The following SMG5 variants were observed in gnomAD, a reference collection of about 807,000 sequenced individuals.
SMG5 encodes the protein SMG5 nonsense mediated mRNA decay factor.
SMG5 carries 53 observed loss-of-function variants against 122.9 expected under a neutral mutation model. That is an observed-to-expected ratio of 0.43 (90% CI 0.35 to 0.54). The LOEUF is 0.54. Among genes scored for constraint, SMG5 ranks in the 20% least tolerant of loss-of-function variants. SMG5 has a pLI of 0.01. For missense variants in SMG5, 1,153 were observed against 1,285.6 expected, an observed-to-expected ratio of 0.90 and a Z score of 1.58; for synonymous variants, 477 against 490.2, an observed-to-expected ratio of 0.97 and a Z score of 0.35.
chr1:156,279,097 G>T, intron 1 of SMG5, 63 bp from the exon 2 acceptor site: 2 of 1,371,570 alleles, frequency 1.5e-6, no homozygotes, highest in South Asian at 1.2e-5. Context: ...GGATGACGCT[G>T]GGACACGATT....
intron 3 of SMG5, 128 bp from the exon 4 acceptor site, chr1:156,277,369 G>T: frequency 1.9e-6 from 2 of 1,058,884 alleles, no homozygotes; most frequent in Non-Finnish European, 2.7e-6. Context: ...ACAAGTTACT[G>T]TCATACTCTT....
Position 156,265,808 on chromosome 1 carries a change from C to T in SMG5, c.1828G>A (p.Gly610Arg), listed in dbSNP as rs1403399458. The T allele has an allele frequency of 9.3e-6, 15 of 1,614,032 alleles. No homozygotes were observed. The highest frequency in any genetic ancestry group is 1.3e-5 in the Non-Finnish European group (15 of 1,179,942). ...TSASHRPCVNGDVDKPSEPAS... is the reference protein window; with the variant it reads ...TSASHRPCVNRDVDKPSEPAS... The stretch of plus-strand genomic sequence containing the variant: ...GGCTCTGAAGGCTTGTCTACATCCC[C>T]ATTGACGCAAGGCCTGTGGCTGGCC... The change falls in exon 12 of 22, where the codon GGG becomes AGG. Residue 610 changes from glycine (G) to arginine (R), a missense_variant. Gly to Arg is a moderately radical substitution (Grantham distance 125). Transcript: ENST00000361813.
chr1:156,253,694 ACTT>A, intron 16 of SMG5, 186 bp from the exon 17 acceptor site: 2 of 628,298 alleles, frequency 3.2e-6, no homozygotes, highest in South Asian at 3.6e-5. Context: ...ACTCTGAACA[ACTT>A]CCATTACCAA....
At chr1:156,255,775 T>C (rs957565780) in intron 16 of SMG5, among the ~76,000 whole-genome samples, 3 of 152,002 alleles carry the variant, frequency 2.0e-5, no homozygotes, top group Non-Finnish European at 4.4e-5. Flanking sequence ...TGGTGATGCA[T>C]GCCTGTAGTC....
chr1:156,286,368 A>T (rs1197894501), upstream of SMG5: 2 of 1,614,084 alleles, frequency 1.2e-6, no homozygotes, highest in Non-Finnish European at 1.7e-6. Flanking sequence ...CAGTCGGTCC[A>T]GCTCTTTATT....
chr1:156,266,939 C>T (rs1380258346), intron 10 of SMG5, among the ~76,000 whole-genome samples: 1 of 152,074 alleles, frequency 6.6e-6, no homozygotes, highest in East Asian at 1.9e-4. Context: ...CTGTACGTGT[C>T]CTATTATCCC....
Position 156,250,927 on chromosome 1 carries a change from C to T in SMG5, c.2898G>A (p.Pro966=), listed in dbSNP as rs372346310. The T allele has an allele frequency of 1.4e-5, 23 of 1,613,850 alleles. No homozygotes were observed. The highest frequency in any genetic ancestry group is 1.1e-4 in the African/African-American group (8 of 74,898). ...TLAQGAGEED[P]SGMVTIITGL... ...CTGTGATGATGGTCACCATGCCACT[C>T]GGATCCTCCTCACCTGCCCCCTGGG... The change falls in exon 21 of 22, where the codon CCG becomes CCA. Residue 966 remains proline, a synonymous_variant. Transcript: ENST00000361813.
chr1:156,251,185 A>C (rs552423750), intron 20 of SMG5, 189 bp from the exon 21 acceptor site: 1 of 915,720 alleles, frequency 1.1e-6, no homozygotes, highest in African/African-American at 1.6e-5. Context: ...ACCAAGCCTG[A>C]GCATCGCAAG....
Position 156,277,948 on chromosome 1 carries a change from G to C in SMG5, c.274C>G (p.Gln92Glu). The stretch of plus-strand genomic sequence containing the variant: ...ACCTTTTTGTTAGTCTTGATAAGCT[G>C]GATAACTTCATAGTATACCTTTCTC... ...LWRKVYYEVI[Q>E]LIKTNKKHIH... Residue 92 changes from glutamine (Q) to glutamate (E), a missense_variant, in exon 3 of 22, where the codon CAG becomes GAG. This residue lies in a region of SMG5 where 213 missense variants were observed against 197.5 expected (regional missense o/e 1.08). Transcript: ENST00000361813. 6.2e-7 allele frequency: 1 copy of C among 1,613,984 alleles called. No individual in the cohort carries two copies. Among genetic ancestry groups the C allele is most frequent in the Non-Finnish European group, 8.5e-7 (1 of 1,179,934 alleles).
the SMG5 span, chr1:156,291,456 C>T: frequency 6.2e-7 from 1 of 1,613,840 alleles, no homozygotes; most frequent in African/African-American, 1.3e-5. Context: ...ACGTTTCTGC[C>T]ACTGCTGTCG....
chr1:156,285,727 C>T (rs757831627), upstream of SMG5: 21 of 1,613,094 alleles, frequency 1.3e-5, no homozygotes, highest in African/African-American at 5.3e-5. Flanking sequence ...TCACCCACCC[C>T]GACCCCACTG....
Position 156,260,631 on chromosome 1 carries a change from G to A in SMG5, c.2108-5C>T. On this transcript the variant is annotated splice_region_variant and splice_polypyrimidine_tract_variant and intron_variant, in intron 14 of 21. Transcript: ENST00000361813. ...CCTCAGGACACAAGGCCAGGCCTGG[G>A]CAGAAGAAGGACACATAAGACCATC... The A allele has an allele frequency of 6.7e-7, 1 of 1,495,204 alleles. No homozygotes were observed. The highest frequency in any genetic ancestry group is 8.9e-7 in the Non-Finnish European group (1 of 1,126,034). The allele number at this position is 1,495,204 out of a possible 1,614,324, so 92.6% of individuals were successfully genotyped here. A position where few individuals can be genotyped will look rare whatever the true frequency, so the allele number is the denominator to read the frequency against.
Position 156,266,124 on chromosome 1 carries a change from C to T in SMG5, c.1512G>A (p.Gly504=). 6.2e-7 allele frequency: 1 copy of T among 1,614,242 alleles called. No homozygotes were observed. Among genetic ancestry groups the T allele is most frequent in the Non-Finnish European group, 8.5e-7 (1 of 1,180,050 alleles). ...CTGTTTCAGCATCAAAGGCCGTTCCCCCACCTTCAAGACTCTTGTCAGAGC... is the reference window on the plus strand; with the variant it reads ...CTGTTTCAGCATCAAAGGCCGTTCCTCCACCTTCAAGACTCTTGTCAGAGC... ...DSGSDKSLEG[G]GTAFDAETDS... is the part of the protein sequence containing the mutation. Residue 504 remains glycine, a synonymous_variant, in exon 12 of 22, where the codon GGG becomes GGA. Coordinates refer to ENST00000361813, the MANE Select transcript of SMG5 (RefSeq NM_015327.3).
At chr1:156,275,482 T>TA (rs1383755282) in intron 4 of SMG5, among the ~76,000 whole-genome samples, 2 of 152,238 alleles carry the variant, frequency 1.3e-5, no homozygotes, top group Non-Finnish European at 2.9e-5. Flanking sequence ...AGGTTACTCT[T>TA]ATTACTCCCA....
chr1:156,290,681 T>G, the SMG5 span: 7 of 151,020 alleles, frequency 4.6e-5, no homozygotes, highest in African/African-American at 7.3e-5. Flanking sequence ...TACAAAAAAA[T>G]AGCCAGGCAT....
rs1661396628 is a variant in SMG5 at position 156,252,520 on chromosome 1, G to A, written c.2663-16C>T. On this transcript the variant is annotated splice_polypyrimidine_tract_variant and intron_variant, in intron 18 of 21. Coordinates refer to ENST00000361813, the MANE Select transcript of SMG5 (RefSeq NM_015327.3). ...CCATCGATCACTGGTGGGCAAGGTAGGGAAAGACAAAACAGATAAGCTCAG... is the reference window on the plus strand; with the variant it reads ...CCATCGATCACTGGTGGGCAAGGTAAGGAAAGACAAAACAGATAAGCTCAG... The A allele has an allele frequency of 6.2e-7, 1 of 1,613,636 alleles. No homozygotes were observed. Among genetic ancestry groups the A allele is most frequent in the Non-Finnish European group, 8.5e-7 (1 of 1,179,746 alleles).
chr1:156,282,496 C>A, intron 1 of SMG5, 111 bp downstream of exon 1: 1 of 1,207,782 alleles, frequency 8.3e-7, no homozygotes, highest in African/African-American at 1.5e-5. Context: ...CACCCTCCTT[C>A]CTCACCCGCA....
Position 156,252,946 on chromosome 1 carries a change from G to A in SMG5, c.2635C>T (p.Arg879Cys), listed in dbSNP as rs1284925284. 3.7e-6 allele frequency: 6 copies of A among 1,611,282 alleles called. No homozygotes were observed. The highest frequency in any genetic ancestry group is 2.2e-5 in the East Asian group (1 of 44,862). ...PVIRQLATSG[R>C]FIVIIPRTVI... ...GTCCTTGGGATGATGACAATGAAGCGGCCACTGGTGGCCAGTTGGCGGATG... is the reference window on the plus strand; with the variant it reads ...GTCCTTGGGATGATGACAATGAAGCAGCCACTGGTGGCCAGTTGGCGGATG... The change falls in exon 18 of 22, where the codon CGC becomes TGC. Residue 879 changes from arginine to cysteine, a missense_variant. By Grantham distance (180) the Arg-to-Cys change is radical (BLOSUM62 -3). This residue lies in a region of SMG5 where 140 missense variants were observed against 227.8 expected (regional missense o/e 0.61). Transcript: ENST00000361813.
chr1:156,273,986 T>C (rs1439114097), intron 5 of SMG5, among the ~76,000 whole-genome samples: 1 of 152,196 alleles, frequency 6.6e-6, no homozygotes, highest in Non-Finnish European at 1.5e-5. Flanking sequence ...CTACTAATGA[T>C]ACTCTGGTTC....
Sources: gnomAD v4.1 joint callset for allele counts (sites outside exome capture counted in the v4.1 genomes callset) on GRCh38, gnomAD v4.1.1 for gene constraint, gnomAD v4.1.1 regional missense constraint, MANE v1.5 for transcripts, NCBI Gene and HGNC (gene_info 2026-07-23, HGNC 2026-07-21) for gene names.